ARL10: variants seen among roughly 807,000 people sequenced by gnomAD.
The protein encoded by ARL10 is ADP-ribosylation factor-like protein 10.
In ARL10, 23 loss-of-function variants were observed where a neutral mutation model predicts 26.1. The ratio of observed to expected loss-of-function variants is 0.88; its 90% CI spans 0.63 to 1.25. ARL10 has a LOEUF of 1.25. Ranked by LOEUF, ARL10 falls within the 50% of genes most tolerant of loss-of-function variation. ARL10 has a pLI of 0.00. For synonymous variants in ARL10, 138 were observed against 149.1 expected, an observed-to-expected ratio of 0.93 and a Z score of 0.54; for missense variants, 300 against 323.6, an observed-to-expected ratio of 0.93 and a Z score of 0.56.
At chr5:176,383,584 G>A (rs1755607571), downstream of ARL10, among the ~76,000 whole-genome samples, 1 of 152,230 alleles carries the variant, frequency 6.6e-6, no homozygotes, top group Non-Finnish European at 1.5e-5. Flanking sequence ...AGCAGAGAAG[G>A]CAGGTCACTC....
chr5:176,379,143 A>C lies in ARL10; in HGVS notation c.*7248A>C, dbSNP rs1755488070. The C allele has an allele frequency of 6.6e-6, 1 of 152,052 alleles. No homozygotes were observed. Among genetic ancestry groups the C allele is most frequent in the Non-Finnish European group, 1.5e-5 (1 of 68,018 alleles). The allele number at this position is 152,052 out of a possible 1,614,324, so 9.4% of individuals were successfully genotyped here. A position where few individuals can be genotyped will look rare whatever the true frequency, so the allele number is the denominator to read the frequency against. ...ATATGTGATGGGCCTGTGCTTTCCC[A>C]ACTATGTTCTTTTTTATGTATGTAT... is the stretch of plus-strand genomic sequence containing the variant. On this transcript the variant is annotated 3_prime_UTR_variant, in exon 4 of 4. Coordinates refer to ENST00000310389, the MANE Select transcript of ARL10 (RefSeq NM_173664.6).
the ARL10 span, among the ~76,000 whole-genome samples, chr5:176,413,108 T>TA: frequency 1.3e-5 from 2 of 152,110 alleles, no homozygotes; most frequent in Non-Finnish European, 2.9e-5. Context: ...CACACACACC[T>TA]ACACAGCATT....
chr5:176,372,260 A>C lies in ARL10; in HGVS notation c.*365A>C. ...AGGAACCAGTGTAGGTGTCAGAAATACTCCTAGAGCCTCAAGGTCTCCCAG... is the reference window on the plus strand; with the variant it reads ...AGGAACCAGTGTAGGTGTCAGAAATCCTCCTAGAGCCTCAAGGTCTCCCAG... On this transcript the variant is annotated 3_prime_UTR_variant, in exon 4 of 4. Transcript: ENST00000310389. The C allele has an allele frequency of 3.8e-6, 1 of 263,242 alleles. No homozygotes were observed. The highest frequency in any genetic ancestry group is 6.6e-6 in the Non-Finnish European group (1 of 150,474). The allele number at this position is 263,242 out of a possible 1,614,324, so 16.3% of individuals were successfully genotyped here. A position where few individuals can be genotyped will look rare whatever the true frequency, so the allele number is the denominator to read the frequency against.
downstream of ARL10, among the ~76,000 whole-genome samples, chr5:176,404,088 A>G (rs1756977016): frequency 6.6e-6 from 1 of 152,000 alleles, no homozygotes; most frequent in African/African-American, 2.4e-5. Context: ...AGGTAGGTAA[A>G]CTCTATCTCC....
rs1318432605 is a variant in ARL10 at position 176,393,964 on chromosome 5, A to G, written c.134-7777A>G. Among the ~76,000 whole-genome samples the G allele has an allele frequency of 6.6e-6, 1 of 152,184 alleles. No individual in the cohort carries two copies. Among genetic ancestry groups the G allele is most frequent in the Non-Finnish European group, 1.5e-5 (1 of 68,030 alleles). On this transcript the variant is annotated intron_variant, in intron 1 of 1. Coordinates refer to the ARL10 transcript ENST00000514533. The surrounding 1 kb of genome is among the most constrained non-coding windows in gnomAD (Gnocchi z 4.4). ...AGGACCAGTTCTGCCGATGCCAGAC[A>G]TGACTGATGGCAGGAGCGCTCCATG...
rs1210820769 is a variant in ARL10, at chr5:176,375,203, T to C, written c.*3308T>C. 5.1e-4 allele frequency: 46 copies of C among 90,970 alleles called. No homozygotes were observed. The highest frequency in any genetic ancestry group is 1.9e-3 in the African/African-American group (45 of 23,404). The allele number at this position is 90,970 out of a possible 1,614,324, so 5.6% of individuals were successfully genotyped here. On this transcript the variant is annotated 3_prime_UTR_variant, in exon 4 of 4. Coordinates refer to ENST00000310389, the MANE Select transcript of ARL10 (RefSeq NM_173664.6). ...ACCCATCCACCCATCCATCCATCCATCCACTCATCCACCCATCCACCCATC... is the reference window on the plus strand; with the variant it reads ...ACCCATCCACCCATCCATCCATCCACCCACTCATCCACCCATCCACCCATC...
chr5:176,410,251 G>C, the ARL10 span: 2 of 1,613,658 alleles, frequency 1.2e-6, no homozygotes, highest in African/African-American at 1.3e-5. Flanking sequence ...ACAGAGCCTT[G>C]CTTACCTGAA....
At chr5:176,392,721 C>G (rs374839373), downstream of ARL10, 31 of 1,595,656 alleles carry the variant, frequency 1.9e-5, no homozygotes, top group South Asian at 1.9e-4. The surrounding 1 kb of genome is among the most constrained non-coding windows in gnomAD (Gnocchi z 5.2). Flanking sequence ...AGCAGCTGCT[C>G]CTCCTGTGCC....
downstream of ARL10, chr5:176,389,723 C>G (rs950650025): frequency 6.5e-6 from 3 of 459,306 alleles, no homozygotes; most frequent in African/African-American, 6.0e-5. Context: ...CCCCTCCACT[C>G]CCCTGCTTAA....
chr5:176,371,710 T>C lies in ARL10; in HGVS notation c.562-12T>C. On this transcript the variant is annotated splice_polypyrimidine_tract_variant and intron_variant, in intron 3 of 3. Coordinates refer to ENST00000310389, the MANE Select transcript of ARL10 (RefSeq NM_173664.6). ...GCTGCCAGCTGTGTTCGGACTTCTG[T>C]GTCTCACCCAGGACCTGAGCGAGGC... 6.2e-7 allele frequency: 1 copy of C among 1,612,814 alleles called. No individual in the cohort carries two copies. The highest frequency in any genetic ancestry group is 2.2e-5 in the East Asian group (1 of 44,850).
At chr5:176,367,381 C>A (rs932638453) in intron 2 of ARL10, among the ~76,000 whole-genome samples, 15 of 152,162 alleles carry the variant, frequency 9.9e-5, no homozygotes, top group Non-Finnish European at 1.9e-4. Flanking sequence ...GTGGCACACC[C>A]TCCTCCACTA....
downstream of ARL10, among the ~76,000 whole-genome samples, chr5:176,403,853 C>T (rs112956532): frequency 5.3e-5 from 8 of 152,154 alleles, no homozygotes; most frequent in South Asian, 2.1e-4. Context: ...TCCGCCTTTC[C>T]GGGTTTGAGA....
chr5:176,388,740 C>A, downstream of ARL10: 1 of 1,548,554 alleles, frequency 6.5e-7, no homozygotes, highest in South Asian at 1.2e-5. Context: ...TCAATTTATT[C>A]GTTTCCCCGC....
At chr5:176,409,074 T>C in the ARL10 span, among the ~76,000 whole-genome samples, 1 of 152,164 alleles carries the variant, frequency 6.6e-6, no homozygotes, top group South Asian at 2.1e-4. Context: ...ACTCCCGGAT[T>C]CAAGCTATTC....
chr5:176,411,125 T>C, the ARL10 span, among the ~76,000 whole-genome samples: 1 of 152,238 alleles, frequency 6.6e-6, no homozygotes, highest in Non-Finnish European at 1.5e-5. Context: ...GAGACTTGCA[T>C]GCACCTGTGA....
rs1755485689 is a variant in ARL10 at position 176,379,025 on chromosome 5, A to G, written c.*7130A>G. 6.6e-6 allele frequency: 1 copy of G among 152,124 alleles called. No individual in the cohort carries two copies. Among genetic ancestry groups the G allele is most frequent in the Non-Finnish European group, 1.5e-5 (1 of 68,026 alleles). The allele number at this position is 152,124 out of a possible 1,614,324, so 9.4% of individuals were successfully genotyped here. ...AAAAAAGTTCACTCCCTAAAACCAG[A>G]TCAGATGAACCCTTTACCAATCTGG... On this transcript the variant is annotated 3_prime_UTR_variant, in exon 4 of 4. Coordinates refer to ENST00000310389, the MANE Select transcript of ARL10 (RefSeq NM_173664.6).
chr5:176,384,955 T>A (rs1755714007), downstream of ARL10: 1 of 580,014 alleles, frequency 1.7e-6, no homozygotes, highest in Admixed American at 3.0e-5. Context: ...AGCAAGACTC[T>A]GTCTTGAAAA....
rs891457637 is a variant in ARL10, at chr5:176,380,438, T to C, written c.*8543T>C. ...TGTTCCTAGTAAGGTTAACCTGTTTTTCTAAAAACAAGTTCTGGGTCCATA... is the reference window on the plus strand; with the variant it reads ...TGTTCCTAGTAAGGTTAACCTGTTTCTCTAAAAACAAGTTCTGGGTCCATA... On this transcript the variant is annotated 3_prime_UTR_variant, in exon 4 of 4. Transcript: ENST00000310389. 1 of 152,024 alleles carries C rather than the reference T, an allele frequency of 6.6e-6. No individual in the cohort carries two copies. The highest frequency in any genetic ancestry group is 1.5e-5 in the Non-Finnish European group (1 of 67,996). 9.4% of individuals were successfully genotyped at this position (152,024 alleles called of 1,614,324 possible). A position where few individuals can be genotyped will look rare whatever the true frequency, so the allele number is the denominator to read the frequency against.
exon 2 of ARL10, chr5:176,388,610 T>C: frequency 6.9e-7 from 1 of 1,455,210 alleles, no homozygotes; most frequent in South Asian, 1.2e-5. Context: ...ACAAACTCCT[T>C]CCGGAAGGCG....
Sources: gnomAD v4.1 joint callset for allele counts (sites outside exome capture counted in the v4.1 genomes callset) on GRCh38, gnomAD v4.1.1 for gene constraint, Gnocchi (gnomAD v3.1) non-coding constraint, MANE v1.5 for transcripts, NCBI Gene and HGNC (gene_info 2026-07-23, HGNC 2026-07-21) for gene names.